Variants in VEGFC observed in about 807,000 individuals in gnomAD.
VEGFC encodes vascular endothelial growth factor C.
A neutral mutation model predicts 46.1 loss-of-function variants in VEGFC; 12 were observed. The ratio of observed to expected loss-of-function variants is 0.26; its 90% CI spans 0.17 to 0.42. The LOEUF is 0.42. Among genes scored for constraint, VEGFC ranks in the 10% least tolerant of loss-of-function variants. The probability of loss-of-function intolerance (pLI) is 1.00; values close to 1 mark genes in which losing one functional copy is unlikely to be tolerated. For synonymous variants in VEGFC, 232 were observed against 195.5 expected (o/e 1.19, Z -1.56); for missense variants, 488 against 529.4 (o/e 0.92, Z 0.77).
At chr4:176,684,099 C>T in intron 6 of VEGFC, 59 bp from the exon 7 acceptor site, 1 of 1,217,386 alleles carries the variant, frequency 8.2e-7, no homozygotes. Context: ...ATTCATCATG[C>T]TACCAAGGTA....
At chr4:176,710,810 CAGG>C (rs562963126) in intron 4 of VEGFC, among the ~76,000 whole-genome samples, 25 of 152,136 alleles carry the variant, frequency 1.6e-4, no homozygotes, top group Middle Eastern at 3.4e-3. Flanking sequence ...CATGATCATA[CAGG>C]AGAACGTGAT....
chr4:176,769,121 G>C (rs1305736531), intron 1 of VEGFC, among the ~76,000 whole-genome samples: 8 of 152,066 alleles, frequency 5.3e-5, no homozygotes, highest in Admixed American at 4.6e-4. Context: ...ATGTGAGGGG[G>C]ACGTGCAACA....
rs753772590 is a variant in VEGFC at position 176,699,060 on chromosome 4, TTATTTC to T, written c.705-11139_705-11134del. Among the ~76,000 whole-genome samples, 66 of 152,186 alleles carry T rather than the reference TTATTTC, an allele frequency of 4.3e-4. 1 individual carries two copies. The highest frequency in any genetic ancestry group is 1.8e-4 in the Non-Finnish European group (12 of 68,038). ...CATGATGATTTTCTTGAAAAGCAAATTATTTCTATAGATACGAACTGTGTTATTAAT... is the reference window on the plus strand; with the variant it reads ...CATGATGATTTTCTTGAAAAGCAAATTATAGATACGAACTGTGTTATTAAT... On this transcript the variant is annotated intron_variant, in intron 4 of 6. Coordinates refer to ENST00000618562, the MANE Select transcript of VEGFC (RefSeq NM_005429.5).
chr4:176,733,353 A>C lies in VEGFC; in HGVS notation c.148-3607T>G, dbSNP rs1734999663. On this transcript the variant is annotated intron_variant, in intron 1 of 6. Transcript: ENST00000618562. ...ACTCATAATAATGAAAACTGAAAAC[A>C]CCCAAATGTTCTTTAGCTGGGCAAA... Among the ~76,000 whole-genome samples the C allele has an allele frequency of 3.3e-5, 5 of 151,978 alleles. No homozygotes were observed. In the Admixed American group the frequency reaches 3.3e-4, roughly 10 times the overall value.
intron 1 of VEGFC, among the ~76,000 whole-genome samples, chr4:176,773,963 A>C (rs561478360): frequency 1.6e-4 from 25 of 152,132 alleles, no homozygotes; most frequent in African/African-American, 6.0e-4. Context: ...GTTATATTTA[A>C]TATACTTTAC....
At chr4:176,771,319 A>T (rs1735718375) in intron 1 of VEGFC, among the ~76,000 whole-genome samples, 1 of 152,188 alleles carries the variant, frequency 6.6e-6, no homozygotes, top group South Asian at 2.1e-4. Context: ...GAAAATATCT[A>T]AAGTTCAAAT....
intron 6 of VEGFC, among the ~76,000 whole-genome samples, chr4:176,684,337 A>G (rs1306661501): frequency 6.6e-6 from 1 of 152,218 alleles, no homozygotes; most frequent in Non-Finnish European, 1.5e-5. Context: ...GAAACATAAA[A>G]CAGAAATTCT....
At chr4:176,781,238 T>A (rs1417341943) in intron 1 of VEGFC, among the ~76,000 whole-genome samples, 1 of 152,150 alleles carries the variant, frequency 6.6e-6, no homozygotes, top group Non-Finnish European at 1.5e-5. Context: ...AAACAATGAA[T>A]CACTATTATG....
chr4:176,780,746 A>C (rs141375580), intron 1 of VEGFC, among the ~76,000 whole-genome samples: 189 of 152,308 alleles, frequency 1.2e-3, no homozygotes, highest in Admixed American at 3.9e-3. Flanking sequence ...AGGAAGCCCG[A>C]GCGTCAGTCT....
rs189396047 is a variant in VEGFC at position 176,685,888 on chromosome 4, G to A, written c.1145+1299C>T. On this transcript the variant is annotated intron_variant, in intron 6 of 6. Coordinates refer to ENST00000618562, the MANE Select transcript of VEGFC (RefSeq NM_005429.5). ...TTTTTATCCAGTAGCTAAAATATTA[G>A]TTTAGGAAAACCACCAAAAATATAC... Among the ~76,000 whole-genome samples, 427 of 152,174 alleles carry A rather than the reference G, an allele frequency of 2.8e-3. 2 individuals carry two copies. The highest frequency in any genetic ancestry group is 5.1e-3 in the Non-Finnish European group (348 of 67,980).
chr4:176,707,696 A>T (rs920419689), intron 4 of VEGFC, among the ~76,000 whole-genome samples: 4 of 152,052 alleles, frequency 2.6e-5, no homozygotes, highest in African/African-American at 9.7e-5. Flanking sequence ...CTTAAATTCT[A>T]TTTGGTTTTA....
intron 1 of VEGFC, among the ~76,000 whole-genome samples, chr4:176,735,043 T>C (rs1040249422): frequency 1.3e-5 from 2 of 151,748 alleles, no homozygotes; most frequent in East Asian, 1.9e-4. Context: ...AGTTATTGCT[T>C]TGAAAAAAGG....
At chr4:176,715,668 C>A (rs1734688013) in intron 3 of VEGFC, among the ~76,000 whole-genome samples, 1 of 151,970 alleles carries the variant, frequency 6.6e-6, no homozygotes, top group Non-Finnish European at 1.5e-5. Context: ...GTTTACAGAC[C>A]ACTTTGTGAA....
intron 1 of VEGFC, among the ~76,000 whole-genome samples, chr4:176,750,540 C>A (rs1020767885): frequency 6.6e-6 from 1 of 151,532 alleles, no homozygotes; most frequent in Non-Finnish European, 1.5e-5. Flanking sequence ...ACTGAGAAGC[C>A]ATTTCAATTA....
At chr4:176,751,244 T>C (rs889636661) in intron 1 of VEGFC, among the ~76,000 whole-genome samples, 2 of 151,186 alleles carry the variant, frequency 1.3e-5, no homozygotes, top group Admixed American at 1.3e-4. Context: ...GACTAAAGAG[T>C]AAACAAACAG....
intron 4 of VEGFC, among the ~76,000 whole-genome samples, chr4:176,710,380 T>C (rs1378841622): frequency 6.6e-6 from 1 of 152,144 alleles, no homozygotes; most frequent in Non-Finnish European, 1.5e-5. Flanking sequence ...TTAGCATACA[T>C]TTATTCACAA....
intron 3 of VEGFC, among the ~76,000 whole-genome samples, chr4:176,715,056 T>C (rs891104268): frequency 2.6e-5 from 4 of 152,160 alleles, no homozygotes; most frequent in Non-Finnish European, 5.9e-5. Flanking sequence ...TTATAAGTGG[T>C]AAAATGGAAG....
intron 4 of VEGFC, among the ~76,000 whole-genome samples, chr4:176,701,226 T>G (rs996549282): frequency 6.6e-6 from 1 of 152,236 alleles, no homozygotes; most frequent in Non-Finnish European, 1.5e-5. Context: ...CTCTATACTT[T>G]CTGCTTTTTC....
At chr4:176,791,363 G>C (rs553227548) in intron 1 of VEGFC, among the ~76,000 whole-genome samples, 3 of 152,140 alleles carry the variant, frequency 2.0e-5, no homozygotes, top group Non-Finnish European at 2.9e-5. Context: ...CCAGTAAGAA[G>C]TAGGAACACA....
Sources: gnomAD v4.1 joint callset for allele counts (sites outside exome capture counted in the v4.1 genomes callset) on GRCh38, gnomAD v4.1.1 for gene constraint, MANE v1.5 for transcripts, NCBI Gene and HGNC (gene_info 2026-07-23, HGNC 2026-07-21) for gene names.